Variants in PDE8A observed in about 807,000 individuals in gnomAD.
PDE8A encodes the protein high affinity cAMP-specific and IBMX-insensitive 3',5'-cyclic phosphodiesterase 8A.
PDE8A carries 59 observed loss-of-function variants against 105.0 expected under a neutral mutation model. That is an observed-to-expected ratio of 0.56 (90% CI 0.46 to 0.70). The LOEUF is 0.70. Among genes scored for constraint, PDE8A ranks in the 30% least tolerant of loss-of-function variants. The probability of loss-of-function intolerance (pLI) is 0.00; values close to 1 mark genes in which losing one functional copy is unlikely to be tolerated. For synonymous variants in PDE8A, 355 were observed against 371.9 expected, an observed-to-expected ratio of 0.95 and a Z score of 0.52; for missense variants, 1,014 against 1,045.9, an observed-to-expected ratio of 0.97 and a Z score of 0.42.
intron 1 of PDE8A, among the ~76,000 whole-genome samples, chr15:85,022,059 G>C (rs1158423840): frequency 6.6e-6 from 1 of 152,160 alleles, no homozygotes; most frequent in Non-Finnish European, 1.5e-5. Context: ...TAATCATTAA[G>C]CTTTCACCAA....
intron 20 of PDE8A, among the ~76,000 whole-genome samples, chr15:85,131,449 T>C (rs947151337): frequency 1.2e-4 from 19 of 152,222 alleles, no homozygotes; most frequent in African/African-American, 4.3e-4. Context: ...GTGGATACCA[T>C]AGAGATTGCA....
intron 1 of PDE8A, among the ~76,000 whole-genome samples, chr15:85,030,277 C>T (rs1482203002): frequency 6.6e-6 from 1 of 151,850 alleles, no homozygotes; most frequent in Non-Finnish European, 1.5e-5. Context: ...TCTTCAGTTC[C>T]TGGAACCTGA....
At chr15:85,071,566 CAGAG>C (rs770604154) in intron 3 of PDE8A, among the ~76,000 whole-genome samples, 4 of 152,206 alleles carry the variant, frequency 2.6e-5, no homozygotes, top group African/African-American at 4.8e-5. Flanking sequence ...GTTTGAGAAT[CAGAG>C]AGAACAGGCC....
intron 8 of PDE8A, chr15:85,097,655 T>A: frequency 3.4e-6 from 1 of 291,298 alleles, no homozygotes; most frequent in Admixed American, 5.3e-5. Context: ...GAGGAGGAAG[T>A]AAGGGGGAGT....
At chr15:84,985,071 A>G (rs556279645) in intron 1 of PDE8A, among the ~76,000 whole-genome samples, 1 of 152,278 alleles carries the variant, frequency 6.6e-6, no homozygotes, top group South Asian at 2.1e-4. Context: ...TGAGTCTCCA[A>G]GTGGTTTTTA....
At chr15:85,008,930 G>T (rs1472931859) in intron 1 of PDE8A, among the ~76,000 whole-genome samples, 3 of 152,114 alleles carry the variant, frequency 2.0e-5, no homozygotes, top group African/African-American at 4.8e-5. Context: ...GGCTTTCCAG[G>T]CATCTCTCCC....
At chr15:85,059,189 G>A (rs1349256162) in intron 1 of PDE8A, among the ~76,000 whole-genome samples, 1 of 152,106 alleles carries the variant, frequency 6.6e-6, no homozygotes, top group African/African-American at 2.4e-5. Context: ...GAATTTTCCA[G>A]TTTTACTTTT....
chr15:85,040,223 A>G (rs566222440), intron 1 of PDE8A, among the ~76,000 whole-genome samples: 4 of 152,170 alleles, frequency 2.6e-5, no homozygotes, highest in African/African-American at 7.2e-5. Context: ...CAGGAGGATC[A>G]CTTGAGCCCA....
intron 1 of PDE8A, among the ~76,000 whole-genome samples, chr15:84,996,282 A>G (rs2079974669): frequency 6.6e-6 from 1 of 151,886 alleles, no homozygotes. Context: ...GACTCAAGTG[A>G]TCCTCCCACC....
chr15:85,135,444 C>G (rs759095282), intron 20 of PDE8A, among the ~76,000 whole-genome samples: 3 of 152,058 alleles, frequency 2.0e-5, no homozygotes, highest in Non-Finnish European at 2.9e-5. Context: ...CAACAGCCAC[C>G]ATCCCTTCAC....
intron 1 of PDE8A, among the ~76,000 whole-genome samples, chr15:85,057,383 G>T (rs1596477580): frequency 1.3e-5 from 2 of 152,296 alleles, no homozygotes; most frequent in East Asian, 1.9e-4. Flanking sequence ...GCTGCCTTTT[G>T]TTCAGCTATG....
At chr15:85,004,517 A>G (rs1401270742) in intron 1 of PDE8A, among the ~76,000 whole-genome samples, 1 of 152,186 alleles carries the variant, frequency 6.6e-6, no homozygotes, top group Non-Finnish European at 1.5e-5. Flanking sequence ...AGTCCTACCA[A>G]ACCTTTCCTG....
intron 12 of PDE8A, among the ~76,000 whole-genome samples, chr15:85,113,123 T>G (rs1300462398): frequency 6.6e-6 from 1 of 152,230 alleles, no homozygotes; most frequent in Non-Finnish European, 1.5e-5. Flanking sequence ...CTAGATTGTT[T>G]CCTCTGTTTT....
chr15:85,039,254 C>T (rs1337822755), intron 1 of PDE8A, among the ~76,000 whole-genome samples: 2 of 151,962 alleles, frequency 1.3e-5, no homozygotes, highest in Non-Finnish European at 2.9e-5. Flanking sequence ...AGTAAGACCT[C>T]ATTTCTATAG....
intron 1 of PDE8A, among the ~76,000 whole-genome samples, chr15:85,055,957 T>A (rs2081052931): frequency 6.6e-6 from 1 of 152,256 alleles, no homozygotes; most frequent in Non-Finnish European, 1.5e-5. Context: ...TGGTTGTTCC[T>A]TTCCATGTTT....
intron 1 of PDE8A, among the ~76,000 whole-genome samples, chr15:85,050,534 T>C (rs1403615655): frequency 1.3e-5 from 2 of 152,216 alleles, no homozygotes; most frequent in East Asian, 3.8e-4. Context: ...TTGGATGTGG[T>C]TATCCAGTTT....
intron 3 of PDE8A, among the ~76,000 whole-genome samples, chr15:85,069,725 A>G (rs2081284234): frequency 6.6e-6 from 1 of 152,148 alleles, no homozygotes; most frequent in South Asian, 2.1e-4. Flanking sequence ...AGCCAGAGAG[A>G]GCAGGCCTTT....
At chr15:85,119,804 T>C (rs1393626637) in intron 17 of PDE8A, among the ~76,000 whole-genome samples, 1 of 152,070 alleles carries the variant, frequency 6.6e-6, no homozygotes, top group East Asian at 1.9e-4. Flanking sequence ...AAAAATGACA[T>C]TAGTTAGAAA....
chr15:85,040,969 T>G (rs190424606), intron 1 of PDE8A, among the ~76,000 whole-genome samples: 9 of 152,282 alleles, frequency 5.9e-5, no homozygotes, highest in African/African-American at 1.7e-4. Context: ...ATCCCCTAGT[T>G]AGATATACTG....
Sources: gnomAD v4.1 joint callset for allele counts (sites outside exome capture counted in the v4.1 genomes callset) on GRCh38, gnomAD v4.1.1 for gene constraint, MANE v1.5 for transcripts, NCBI Gene and HGNC (gene_info 2026-07-23, HGNC 2026-07-21) for gene names.